PDE4D: variants seen among roughly 807,000 people sequenced by gnomAD.
The protein encoded by PDE4D is 3',5'-cyclic-AMP phosphodiesterase 4D.
PDE4D carries 24 observed loss-of-function variants against 87.4 expected under a neutral mutation model. That is an observed-to-expected ratio of 0.27 (90% CI 0.20 to 0.39). PDE4D has a LOEUF of 0.39. Among genes scored for constraint, PDE4D ranks in the 10% least tolerant of loss-of-function variants. The pLI is 1.00. For missense variants in PDE4D, 714 were observed against 1,041.0 expected (o/e 0.69, Z 4.32); for synonymous variants, 384 against 383.2 (o/e 1.00, Z -0.02).
At chr5:59,659,113 A>T (rs1195677484) in intron 1 of PDE4D, among the ~76,000 whole-genome samples, 1 of 152,252 alleles carries the variant, frequency 6.6e-6, no homozygotes, top group African/African-American at 2.4e-5. Context: ...GGAGATCCTT[A>T]TACTGGGAAG....
At chr5:59,126,618 T>C (rs899991425) in intron 5 of PDE4D, among the ~76,000 whole-genome samples, 3 of 152,206 alleles carry the variant, frequency 2.0e-5, no homozygotes, top group Admixed American at 6.5e-5. Flanking sequence ...TCCTCTAGTA[T>C]CAGTCCATTT....
intron 1 of PDE4D, among the ~76,000 whole-genome samples, chr5:59,238,747 T>A (rs1757025371): frequency 6.6e-6 from 1 of 152,178 alleles, no homozygotes; most frequent in Admixed American, 6.5e-5. Context: ...AAAGTCAAAC[T>A]GTAATAACAA....
chr5:59,691,743 C>G (rs1248269967), intron 1 of PDE4D, among the ~76,000 whole-genome samples: 3 of 150,970 alleles, frequency 2.0e-5, no homozygotes, highest in Non-Finnish European at 4.4e-5. Flanking sequence ...GGAAAAGAGA[C>G]AGAGCCAAAC....
intron 5 of PDE4D, among the ~76,000 whole-genome samples, chr5:59,108,955 ATGTGTGTGTG>A (rs57004711): frequency 0.018 from 2,197 of 121,894 alleles, 66 homozygotes; most frequent in African/African-American, 0.065. Flanking sequence ...TAGGAACTCA[ATGTGTGTGTG>A]TGTGTGTGTG....
chr5:60,154,027 T>TA (rs147431808), intron 2 of PDE4D, among the ~76,000 whole-genome samples: 3,553 of 151,266 alleles, frequency 0.023, 52 homozygotes, highest in Non-Finnish European at 0.035. Context: ...CTTACCATAA[T>TA]AAAAAAACAA....
intron 1 of PDE4D, among the ~76,000 whole-genome samples, chr5:60,520,703 T>C (rs1030507014): frequency 1.1e-4 from 16 of 152,206 alleles, no homozygotes; most frequent in Non-Finnish European, 2.2e-4. Context: ...ACCGCCTAGG[T>C]TGGGCACTAT....
intron 1 of PDE4D, among the ~76,000 whole-genome samples, chr5:59,782,358 C>T (rs1024338744): frequency 1.3e-5 from 2 of 152,148 alleles, no homozygotes; most frequent in Non-Finnish European, 2.9e-5. Flanking sequence ...TAAACGGGAA[C>T]TTGACAAATC....
chr5:59,688,723 G>A (rs1215945326), intron 1 of PDE4D, among the ~76,000 whole-genome samples: 1 of 152,128 alleles, frequency 6.6e-6, no homozygotes, highest in Non-Finnish European at 1.5e-5. Flanking sequence ...TAAGATCAGA[G>A]CAGAACTGAA....
chr5:59,670,532 G>A (rs774266919), intron 1 of PDE4D, among the ~76,000 whole-genome samples: 16 of 151,946 alleles, frequency 1.1e-4, no homozygotes, highest in South Asian at 4.2e-4. Flanking sequence ...AGGTATATAC[G>A]AAACATAAAT....
intron 1 of PDE4D, among the ~76,000 whole-genome samples, chr5:59,449,049 T>C (rs1798763060): frequency 6.6e-6 from 1 of 152,168 alleles, no homozygotes; most frequent in Admixed American, 6.5e-5. Flanking sequence ...AAGGCCCTGC[T>C]TCACATATGT....
At chr5:60,303,378 G>A (rs568064908) in intron 1 of PDE4D, among the ~76,000 whole-genome samples, 68 of 145,546 alleles carry the variant, frequency 4.7e-4, no homozygotes, top group African/African-American at 1.6e-3. Context: ...GCGCGATCTC[G>A]GCTCACTGCA....
At chr5:59,956,532 G>A (rs1272659475) in intron 3 of PDE4D, among the ~76,000 whole-genome samples, 1 of 152,184 alleles carries the variant, frequency 6.6e-6, no homozygotes, top group Admixed American at 6.5e-5. Flanking sequence ...GCAGGCCCCT[G>A]TGTGCTTGTG....
intron 3 of PDE4D, among the ~76,000 whole-genome samples, chr5:59,903,644 T>C (rs1215816151): frequency 1.3e-5 from 2 of 152,254 alleles, no homozygotes; most frequent in Admixed American, 1.3e-4. Flanking sequence ...TTTTAGCTGG[T>C]TTTCAAAAAT....
At position 58,988,488 on chromosome 5, in the gene PDE4D, C is replaced by A; in HGVS notation, c.1552+5G>T. The A allele has an allele frequency of 7.7e-7, 1 of 1,291,306 alleles. No individual in the cohort carries two copies. Among genetic ancestry groups the A allele is most frequent in the Non-Finnish European group, 1.1e-6 (1 of 947,468 alleles). The allele number at this position is 1,291,306 out of a possible 1,614,324, so 80.0% of individuals were successfully genotyped here. A position where few individuals can be genotyped will look rare whatever the true frequency, so the allele number is the denominator to read the frequency against. ...ATGTGTTCTGAAAAAATAAAGTTTA[C>A]TTACTTGTATTGATCAGAAATTGAT... is the stretch of plus-strand genomic sequence containing the variant. On this transcript the variant is annotated splice_donor_5th_base_variant and intron_variant, in intron 11 of 14. Coordinates refer to ENST00000340635, the MANE Select transcript of PDE4D (RefSeq NM_001104631.2).
intron 1 of PDE4D, chr5:60,460,818 T>A: frequency 1.9e-6 from 1 of 517,506 alleles, no homozygotes; most frequent in East Asian, 3.3e-5. Flanking sequence ...GGTATAAGAT[T>A]TATTGGTTAA....
intron 1 of PDE4D, among the ~76,000 whole-genome samples, chr5:59,241,209 G>T (rs1413013264): frequency 6.6e-6 from 1 of 152,252 alleles, no homozygotes; most frequent in African/African-American, 2.4e-5. Flanking sequence ...AGATCCTATT[G>T]AAGTTAAATA....
intron 1 of PDE4D, among the ~76,000 whole-genome samples, chr5:59,652,667 T>A (rs1000385154): frequency 1.3e-5 from 2 of 152,232 alleles, no homozygotes; most frequent in African/African-American, 2.4e-5. Flanking sequence ...CTCAAGACTT[T>A]ATTGTTTACT....
At chr5:59,385,705 A>AT (rs1786837644) in intron 1 of PDE4D, among the ~76,000 whole-genome samples, 1 of 152,180 alleles carries the variant, frequency 6.6e-6, no homozygotes, top group South Asian at 2.1e-4. Context: ...AGGAGATAGT[A>AT]TAGAGTCCTA....
intron 1 of PDE4D, among the ~76,000 whole-genome samples, chr5:59,366,575 G>A (rs1476793506): frequency 6.6e-6 from 1 of 152,024 alleles, no homozygotes; most frequent in Non-Finnish European, 1.5e-5. Flanking sequence ...TGAGATAATT[G>A]GGAGCTTTCC....
Sources: gnomAD v4.1 joint callset for allele counts (sites outside exome capture counted in the v4.1 genomes callset) on GRCh38, gnomAD v4.1.1 for gene constraint, MANE v1.5 for transcripts, NCBI Gene and HGNC (gene_info 2026-07-23, HGNC 2026-07-21) for gene names.